The following TRPV3 variants were observed in gnomAD, a reference collection of about 807,000 sequenced individuals.
TRPV3 encodes transient receptor potential cation channel subfamily V member 3, also known as VRL-3.
In TRPV3, 88 loss-of-function variants were observed where a neutral mutation model predicts 87.1. The ratio of observed to expected loss-of-function variants is 1.01; its 90% CI spans 0.85 to 1.21. TRPV3 has a LOEUF of 1.21. Among genes scored for constraint, TRPV3 ranks in the 50% most tolerant of loss-of-function variants. The probability of loss-of-function intolerance (pLI) is 0.00; values close to 1 mark genes in which losing one functional copy is unlikely to be tolerated. For synonymous variants in TRPV3, 438 were observed against 423.3 expected (o/e 1.03, Z -0.43); for missense variants, 1,054 against 1,030.1 (o/e 1.02, Z -0.32).
Position 3,533,175 on chromosome 17 carries a change from A to G in TRPV3, c.785-238T>C, listed in dbSNP as rs1156429947. ...ATACTCTGCTCAGCACAGCAGCCAG[A>G]CCAACCTGTTAGTGCCTCCCCCAGA... On this transcript the variant is annotated intron_variant, in intron 7 of 17. Coordinates refer to ENST00000576742, the MANE Select transcript of TRPV3 (RefSeq NM_145068.4). 3.1e-4 allele frequency among the ~76,000 whole-genome samples: 47 copies of G among 152,124 alleles called. 1 individual carries two copies. Among genetic ancestry groups the G allele is most frequent in the Admixed American group, 3.1e-3 (47 of 15,280 alleles).
chr17:3,525,072 T>A (rs537770222), intron 12 of TRPV3, among the ~76,000 whole-genome samples: 6 of 152,224 alleles, frequency 3.9e-5, no homozygotes, highest in East Asian at 1.9e-4. Context: ...TAGGCTGGAG[T>A]ACAGTGGCAT....
chr17:3,533,972 C>T (rs2102213), intron 7 of TRPV3, among the ~76,000 whole-genome samples: 83,807 of 151,942 alleles, frequency 0.55, 24,763 homozygotes, highest in East Asian at 0.79. Context: ...CTGATGTAGA[C>T]AGTAAGTGCT....
At position 3,556,495 on chromosome 17, in the gene TRPV3, G is replaced by A. The variant is rs1340566860; in HGVS notation, c.-3+1181C>T. On this transcript the variant is annotated intron_variant, in intron 1 of 17. Coordinates refer to ENST00000576742, the MANE Select transcript of TRPV3 (RefSeq NM_145068.4). The surrounding 1 kb of genome is among the most constrained non-coding windows in gnomAD (Gnocchi z 4.2). Reference sequence around the variant, plus strand: ...ATCATCCTCAGGGGACTCACCTGGCGACACATAGGTGGGGGCAGGAAGACG... The same window carrying A: ...ATCATCCTCAGGGGACTCACCTGGCAACACATAGGTGGGGGCAGGAAGACG... Among the ~76,000 whole-genome samples the A allele has an allele frequency of 1.3e-5, 2 of 152,092 alleles. No homozygotes were observed. Among genetic ancestry groups the A allele is most frequent in the African/African-American group, 4.8e-5 (2 of 41,398 alleles).
chr17:3,555,717 G>A (rs890191655), intron 1 of TRPV3, among the ~76,000 whole-genome samples: 2 of 152,216 alleles, frequency 1.3e-5, no homozygotes, highest in Non-Finnish European at 2.9e-5. Flanking sequence ...AGGCTGCTGT[G>A]TGGAGGAAGG....
intron 13 of TRPV3, 55 bp downstream of exon 13, chr17:3,524,143 T>A: frequency 6.3e-7 from 1 of 1,594,048 alleles, no homozygotes; most frequent in East Asian, 2.2e-5. Flanking sequence ...AGTTTCCCCA[T>A]CTGAAAAATG....
In TRPV3 at chr17:3,528,018, C is replaced by A. The variant is rs1370240029; in HGVS notation, c.1503+7G>T. 1 of 1,611,662 alleles carries A rather than the reference C, an allele frequency of 6.2e-7. No homozygotes were observed. The highest frequency in any genetic ancestry group is 8.5e-7 in the Non-Finnish European group (1 of 1,178,776). On this transcript the variant is annotated splice_region_variant and intron_variant, in intron 11 of 17. Transcript: ENST00000576742. This position sits in a 1 kb window ranked among gnomAD's most constrained non-coding sequence, Gnocchi z 4.2. ...GGCGGTCTGGAAGGGCCGGGTGGCC[C>A]ACTTACCTCTTTCACAGAGATGCAC...
At chr17:3,527,943 G>A (rs1202840480) in intron 11 of TRPV3, 82 bp downstream of exon 11, 46 of 1,100,452 alleles carry the variant, frequency 4.2e-5, no homozygotes, top group South Asian at 3.7e-4. Flanking sequence ...CCCCCCAGCA[G>A]TAATGGCAGA....
chr17:3,513,987 G>T lies in TRPV3; in HGVS notation c.2303C>A (p.Ser768Tyr), dbSNP rs1240613364. ...GAGAGTGGTTTTGCTGTTGTTCCTG[G>T]AAGAATCTTGGATTTTGTTGAAATC... ...RTDFNKIQDS[S>Y]RNNSKTTLNA... Residue 768 changes from serine to tyrosine, a missense_variant, in exon 18 of 18, where the codon TCC becomes TAC. Coordinates refer to ENST00000576742, the MANE Select transcript of TRPV3 (RefSeq NM_145068.4). The T allele has an allele frequency of 6.2e-7, 1 of 1,613,778 alleles. No individual in the cohort carries two copies. The highest frequency in any genetic ancestry group is 8.5e-7 in the Non-Finnish European group (1 of 1,179,870).
At position 3,528,089 on chromosome 17, in the gene TRPV3, C is replaced by A. The variant is rs902336373; in HGVS notation, c.1439G>T (p.Gly480Val). ...CATCCTCCCTAGGAGCTGCAGCCACCCCATCTTGTGCGTCAGGGCCAAGGG... is the reference window on the plus strand; with the variant it reads ...CATCCTCCCTAGGAGCTGCAGCCACACCATCTTGTGCGTCAGGGCCAAGGG... ...PHPLALTHKM[G>V]WLQLLGRMFV... Residue 480 changes from glycine to valine, a missense_variant, in exon 11 of 18, where the codon GGG (glycine) becomes GTG (valine). By Grantham distance (109) the Gly-to-Val change is moderately radical (BLOSUM62 -3). Transcript: ENST00000576742. The surrounding 1 kb of genome is among the most constrained non-coding windows in gnomAD (Gnocchi z 4.2). 1 of 1,613,584 alleles carries A rather than the reference C, an allele frequency of 6.2e-7. No homozygotes were observed. Among genetic ancestry groups the A allele is most frequent in the African/African-American group, 1.3e-5 (1 of 75,012 alleles).
chr17:3,516,185 TC>T (rs1183560225), intron 16 of TRPV3, among the ~76,000 whole-genome samples: 1 of 11,724 alleles, frequency 8.5e-5, no homozygotes, highest in Non-Finnish European at 4.3e-4. Flanking sequence ...AAATTCCGTC[TC>T]AAAAAAAAAT....
At chr17:3,531,322 T>G (rs2074347534) in intron 8 of TRPV3, among the ~76,000 whole-genome samples, 1 of 152,162 alleles carries the variant, frequency 6.6e-6, no homozygotes, top group Admixed American at 6.5e-5. Context: ...GGAAGGACAG[T>G]GTCAGAGACC....
intron 7 of TRPV3, among the ~76,000 whole-genome samples, chr17:3,533,874 T>C (rs1482122592): frequency 6.6e-6 from 1 of 152,200 alleles, no homozygotes; most frequent in Non-Finnish European, 1.5e-5. Flanking sequence ...TTATTACCGA[T>C]GGTCTCTCCC....
rs201559759 is a variant in TRPV3, at chr17:3,543,587, C to T, written c.353G>A (p.Arg118Gln). The T allele has an allele frequency of 4.0e-5, 65 of 1,614,178 alleles. No homozygotes were observed. The Admixed American group carries it at 8.7e-4, about 22-fold the overall frequency. ...AKEEQRRKKR[R>Q]LKKRIFAAVS... ...GGCTGCAAAGATGCGCTTCTTCAGC[C>T]GCCTCTTTTTCCTCCTCTGCTCTTC... Residue 118 changes from arginine to glutamine, a missense_variant, in exon 5 of 18, where the codon CGG becomes CAG. Transcript: ENST00000576742.
rs548938611 is a variant in TRPV3 at position 3,556,070 on chromosome 17, G to A, written c.-2-1218C>T. On this transcript the variant is annotated intron_variant, in intron 1 of 17. Transcript: ENST00000576742. The surrounding 1 kb of genome is among the most constrained non-coding windows in gnomAD (Gnocchi z 4.2). ...TACATGCCTGTAGTCCCAGCTAGTC[G>A]GGAGGCTGAGGCAGGAGAATCACTT... is the stretch of plus-strand genomic sequence containing the variant. Among the ~76,000 whole-genome samples, 4 of 152,146 alleles carry A rather than the reference G, an allele frequency of 2.6e-5. No homozygotes were observed. Among genetic ancestry groups the A allele is most frequent in the African/African-American group, 4.8e-5 (2 of 41,524 alleles).
chr17:3,529,031 AGGGAGAGAGGGAG>A, intron 9 of TRPV3, 36 bp from the exon 10 acceptor site: 5 of 1,612,508 alleles, frequency 3.1e-6, no homozygotes, highest in Non-Finnish European at 4.2e-6. Flanking sequence ...CATGGAGATG[AGGGAGAGAGGGAG>A]GGACCGTTTT....
intron 2 of TRPV3, 47 bp downstream of exon 2, chr17:3,554,685 T>C: frequency 7.4e-7 from 1 of 1,349,974 alleles, no homozygotes. Flanking sequence ...CCCCCACTCG[T>C]GCCCCTCACA....
rs773717512 is a variant in TRPV3 at position 3,518,698 on chromosome 17, G to A, written c.1963C>T (p.Leu655=). The change falls in exon 15 of 18, where the codon CTG becomes TTG. Residue 655 remains leucine (L), a synonymous_variant. Transcript: ENST00000576742. The surrounding 1 kb of genome is among the most constrained non-coding windows in gnomAD (Gnocchi z 4.3). ...QQNSKYPILF[L]FLLITYVILT... is the part of the protein sequence containing the mutation. The stretch of plus-strand genomic sequence containing the variant: ...ATGACATAGGTGATGAGCAGGAACA[G>A]AAAGAGAATGGGATACTTGGAGTTC... 1.4e-5 allele frequency: 22 copies of A among 1,611,512 alleles called. No homozygotes were observed. The South Asian group carries it at 2.0e-4, about 15-fold the overall frequency.
rs60705582 is a variant in TRPV3 at position 3,528,715 on chromosome 17, TG to T, written c.1401+121del. On this transcript the variant is annotated intron_variant, in intron 10 of 17. Transcript: ENST00000576742. The surrounding 1 kb of genome is among the most constrained non-coding windows in gnomAD (Gnocchi z 4.2). ...TTCCCTGGGAAGCGTGAAGGACAACTGGGGGACCCCGCCCAATCTCCTGGTC... is the reference window on the plus strand; with the variant it reads ...TTCCCTGGGAAGCGTGAAGGACAACTGGGGACCCCGCCCAATCTCCTGGTC... The T allele has an allele frequency of 4.6e-3, 5,520 of 1,204,194 alleles. 216 individuals carry two copies. In the African/African-American group the frequency reaches 0.076, roughly 17 times the overall value. The allele number at this position is 1,204,194 out of a possible 1,614,324, so 74.6% of individuals were successfully genotyped here. A position where few individuals can be genotyped will look rare whatever the true frequency, so the allele number is the denominator to read the frequency against.
At chr17:3,550,578 G>C (rs1032898519) in intron 2 of TRPV3, among the ~76,000 whole-genome samples, 2 of 133,038 alleles carry the variant, frequency 1.5e-5, no homozygotes, top group Non-Finnish European at 3.1e-5. Context: ...AGGCTGGAGT[G>C]CAGTGGCGTG....
Sources: allele counts gnomAD v4.1 joint callset (sites outside exome capture counted in the v4.1 genomes callset), GRCh38; gene constraint gnomAD v4.1.1; non-coding constraint Gnocchi (gnomAD v3.1); transcripts MANE v1.5; gene names NCBI Gene and HGNC (gene_info 2026-07-23, HGNC 2026-07-21).